The following SYCP2L variants were observed in gnomAD, a reference collection of about 807,000 sequenced individuals.
SYCP2L encodes synaptonemal complex protein 2-like.
SYCP2L carries 98 observed loss-of-function variants against 125.8 expected under a neutral mutation model. The ratio of observed to expected loss-of-function variants is 0.78; its 90% CI spans 0.66 to 0.92. The LOEUF is 0.92. SYCP2L is among the 40% of genes least tolerant of loss of function. The probability of loss-of-function intolerance (pLI) is 0.00; values close to 1 mark genes in which losing one functional copy is unlikely to be tolerated. For synonymous variants in SYCP2L, 317 were observed against 325.4 expected, an observed-to-expected ratio of 0.97 and a Z score of 0.28; for missense variants, 842 against 936.4, an observed-to-expected ratio of 0.90 and a Z score of 1.32.
At chr6:10,942,649 G>C in intron 22 of SYCP2L, 28 bp from the exon 23 acceptor site, 4 of 1,611,814 alleles carry the variant, frequency 2.5e-6, no homozygotes, top group Non-Finnish European at 3.4e-6. Context: ...CATAAAGGAC[G>C]TAATTTGTGG....
At position 10,907,527 on chromosome 6, in the gene SYCP2L, GT is replaced by G; in HGVS notation, c.677-10del. On this transcript the variant is annotated splice_polypyrimidine_tract_variant and intron_variant, in intron 9 of 29. Coordinates refer to ENST00000283141, the MANE Select transcript of SYCP2L (RefSeq NM_001040274.3). ...GCCCAGAATTATCTATGTCTACTAT[GT>G]TTTTAATCTCTAGATTATGACCAGC... 6.2e-7 allele frequency: 1 copy of G among 1,605,284 alleles called. No homozygotes were observed. Among genetic ancestry groups the G allele is most frequent in the Non-Finnish European group, 8.5e-7 (1 of 1,177,000 alleles).
chr6:10,955,358 T>C, intron 24 of SYCP2L, 141 bp downstream of exon 24: 1 of 568,986 alleles, frequency 1.8e-6, no homozygotes, highest in Non-Finnish European at 3.1e-6. Flanking sequence ...GCTTTTGTGC[T>C]TTTGGAGACA....
At chr6:10,955,997 A>T in intron 24 of SYCP2L, 139 bp from the exon 25 acceptor site, 1 of 632,574 alleles carries the variant, frequency 1.6e-6, no homozygotes, top group Non-Finnish European at 2.8e-6. Context: ...GAGCGAGGTC[A>T]TGTCCAGGCA....
chr6:10,895,288 A>G (rs1192903598), intron 4 of SYCP2L, among the ~76,000 whole-genome samples: 1 of 152,184 alleles, frequency 6.6e-6, no homozygotes, highest in Non-Finnish European at 1.5e-5. Flanking sequence ...TCTTCTGCGC[A>G]GAGGGGTACC....
Position 10,900,401 on chromosome 6 carries a change from C to A in SYCP2L, c.466+1553C>A, listed in dbSNP as rs113606388. Among the ~76,000 whole-genome samples, 9 of 151,242 alleles carry A rather than the reference C, an allele frequency of 6.0e-5. No individual in the cohort carries two copies. In the East Asian group the frequency reaches 1.8e-3, roughly 30 times the overall value. On this transcript the variant is annotated intron_variant, in intron 6 of 29. Transcript: ENST00000283141. Reference sequence around the variant, plus strand: ...CAGAGTCTCACACTGTTGGCTCAGACGAGTGCAGTGGCACGTTCTCAGCTC... The same window carrying A: ...CAGAGTCTCACACTGTTGGCTCAGAAGAGTGCAGTGGCACGTTCTCAGCTC...
chr6:10,941,694 A>T (rs988872348), intron 21 of SYCP2L, among the ~76,000 whole-genome samples: 1 of 152,212 alleles, frequency 6.6e-6, no homozygotes, highest in Admixed American at 6.5e-5. Context: ...CTTTTCTTTT[A>T]CACTGTTGGT....
chr6:10,905,396 G>A (rs766905348), intron 8 of SYCP2L, among the ~76,000 whole-genome samples: 48 of 151,876 alleles, frequency 3.2e-4, no homozygotes, highest in South Asian at 1.0e-3. Context: ...GGGTTCAAGA[G>A]ATTCTCCTGC....
At chr6:10,910,722 C>A in intron 11 of SYCP2L, 102 bp from the exon 12 acceptor site, 1 of 1,244,406 alleles carries the variant, frequency 8.0e-7, no homozygotes, top group Non-Finnish European at 1.2e-6. Context: ...TACGAGGAGA[C>A]TTAATGGCAT....
Position 10,915,306 on chromosome 6 carries a change from C to G in SYCP2L, c.1072+2379C>G, listed in dbSNP as rs776333037. Reference sequence around the variant, plus strand: ...CTTCCTCTTTACCAATTTGGATGCCCTTTATTTCTGTCTCTTGTCTGATTG... The same window carrying G: ...CTTCCTCTTTACCAATTTGGATGCCGTTTATTTCTGTCTCTTGTCTGATTG... On this transcript the variant is annotated intron_variant, in intron 14 of 29. Transcript: ENST00000283141. Among the ~76,000 whole-genome samples the G allele has an allele frequency of 2.6e-5, 4 of 152,106 alleles. No individual in the cohort carries two copies. The East Asian group carries it at 7.7e-4, about 29-fold the overall frequency.
At chr6:10,895,608 A>G (rs533645932) in intron 4 of SYCP2L, among the ~76,000 whole-genome samples, 6 of 143,384 alleles carry the variant, frequency 4.2e-5, no homozygotes, top group African/African-American at 1.5e-4. Flanking sequence ...TAACAAAGGC[A>G]AAAAGGAGAA....
chr6:10,964,343 A>G (rs1781643762), intron 29 of SYCP2L, among the ~76,000 whole-genome samples: 1 of 152,148 alleles, frequency 6.6e-6, no homozygotes, highest in Admixed American at 6.5e-5. Flanking sequence ...TTATAACTGA[A>G]TGCTTACCCT....
At chr6:10,962,385 T>C (rs934708284) in intron 28 of SYCP2L, among the ~76,000 whole-genome samples, 2 of 148,952 alleles carry the variant, frequency 1.3e-5, no homozygotes, top group Non-Finnish European at 3.0e-5. Context: ...ATGATGACTG[T>C]ATGAACCATT....
intron 26 of SYCP2L, among the ~76,000 whole-genome samples, chr6:10,961,078 C>CA (rs112283703): frequency 0.016 from 1,937 of 117,620 alleles, 22 homozygotes; most frequent in Non-Finnish European, 0.022. Flanking sequence ...AACTCCATCT[C>CA]AAAAAAAAAA....
At chr6:10,889,069 A>T (rs1428452407) in intron 1 of SYCP2L, among the ~76,000 whole-genome samples, 2 of 151,858 alleles carry the variant, frequency 1.3e-5, no homozygotes, top group Non-Finnish European at 2.9e-5. Flanking sequence ...ACCATATTGG[A>T]CAGGCTGGTC....
At chr6:10,935,308 T>C in intron 21 of SYCP2L, 121 bp downstream of exon 21, 1 of 1,036,488 alleles carries the variant, frequency 9.6e-7, no homozygotes, top group Non-Finnish European at 1.4e-6. Flanking sequence ...AACATTGTTC[T>C]TTACCTTAAT....
chr6:10,906,252 A>G (rs1438644879), intron 9 of SYCP2L, among the ~76,000 whole-genome samples, 198 bp downstream of exon 9: 1 of 152,160 alleles, frequency 6.6e-6, no homozygotes, highest in East Asian at 1.9e-4. Flanking sequence ...TTTACTCACC[A>G]GCCAGCTTTG....
chr6:10,894,848 C>G (rs979360225), intron 4 of SYCP2L, among the ~76,000 whole-genome samples: 3 of 152,030 alleles, frequency 2.0e-5, no homozygotes, highest in African/African-American at 7.2e-5. Flanking sequence ...TGTTTATTGA[C>G]GAGGAGATGT....
chr6:10,952,157 G>A (rs1241743634), intron 23 of SYCP2L, among the ~76,000 whole-genome samples: 1 of 152,166 alleles, frequency 6.6e-6, no homozygotes, highest in Admixed American at 6.5e-5. Flanking sequence ...ACGTGCTAGT[G>A]AAAAGTGGCA....
At chr6:10,888,902 C>T (rs1192788552) in intron 1 of SYCP2L, among the ~76,000 whole-genome samples, 1 of 152,068 alleles carries the variant, frequency 6.6e-6, no homozygotes, top group African/African-American at 2.4e-5. Flanking sequence ...CACTCTGTCA[C>T]CCAGGCTGGA....
Sources: allele counts gnomAD v4.1 joint callset (sites outside exome capture counted in the v4.1 genomes callset), GRCh38; gene constraint gnomAD v4.1.1; transcripts MANE v1.5; gene names NCBI Gene and HGNC (gene_info 2026-07-23, HGNC 2026-07-21).